NKAIN2: variants seen among roughly 807,000 people sequenced by gnomAD.
NKAIN2 encodes the protein sodium/potassium transporting ATPase interacting 2, also known as sodium/potassium-transporting ATPase subunit beta-1-interacting protein 2.
NKAIN2 carries 14 observed loss-of-function variants against 32.6 expected under a neutral mutation model. The ratio of observed to expected loss-of-function variants is 0.43; its 90% CI spans 0.28 to 0.67. The LOEUF is 0.67. Ranked by LOEUF, NKAIN2 falls within the 30% of genes least tolerant of loss-of-function variation. NKAIN2 has a pLI of 0.17. For missense variants in NKAIN2, 198 were observed against 258.3 expected (o/e 0.77, Z 1.60); for synonymous variants, 80 against 87.2 (o/e 0.92, Z 0.46).
chr6:124,539,900 T>C (rs1399868011), intron 3 of NKAIN2, among the ~76,000 whole-genome samples: 1 of 152,088 alleles, frequency 6.6e-6, no homozygotes, highest in African/African-American at 2.4e-5. Context: ...TTTTGTATTT[T>C]AGTAGAGATG....
intron 1 of NKAIN2, among the ~76,000 whole-genome samples, chr6:123,945,554 C>G (rs1230380387): frequency 6.6e-6 from 1 of 152,078 alleles, no homozygotes; most frequent in Non-Finnish European, 1.5e-5. Flanking sequence ...TCTGTGGTCC[C>G]AGCAGGTGTT....
intron 3 of NKAIN2, among the ~76,000 whole-genome samples, chr6:124,636,034 T>C (rs1316436863): frequency 2.0e-5 from 3 of 152,014 alleles, no homozygotes; most frequent in African/African-American, 4.8e-5. Flanking sequence ...ATAGAGCATA[T>C]GTTGGGCCAC....
At chr6:124,208,006 T>C (rs1220134325) in intron 1 of NKAIN2, among the ~76,000 whole-genome samples, 1 of 151,932 alleles carries the variant, frequency 6.6e-6, no homozygotes, top group South Asian at 2.1e-4. Flanking sequence ...TTTTGAAGAA[T>C]GTACTTTAAT....
At position 124,767,254 on chromosome 6, in the gene NKAIN2, A is replaced by C. The variant is rs528490175; in HGVS notation, c.475-24085A>C. On this transcript the variant is annotated intron_variant, in intron 4 of 6. Coordinates refer to ENST00000368417, the MANE Select transcript of NKAIN2 (RefSeq NM_001040214.3). ...TATGCTTAAGTAATTTCTGATTTAT[A>C]CTAGATACTATAAATAATATTTTGT... Among the ~76,000 whole-genome samples, 224 of 151,964 alleles carry C rather than the reference A, an allele frequency of 1.5e-3. 2 individuals carry two copies. Among genetic ancestry groups the C allele is most frequent in the African/African-American group, 5.2e-3 (215 of 41,422 alleles).
chr6:124,076,997 AT>A (rs1180829630), intron 1 of NKAIN2, among the ~76,000 whole-genome samples: 1 of 147,208 alleles, frequency 6.8e-6, no homozygotes, highest in Non-Finnish European at 1.5e-5. Flanking sequence ...CTTTATAACT[AT>A]TTTTTAGATG....
At chr6:124,550,312 T>A (rs1248596801) in intron 3 of NKAIN2, among the ~76,000 whole-genome samples, 1 of 152,214 alleles carries the variant, frequency 6.6e-6, no homozygotes, top group African/African-American at 2.4e-5. Flanking sequence ...TTGGGAGCTC[T>A]TTCAGGTTTC....
At chr6:123,999,120 A>G (rs1779770960) in intron 1 of NKAIN2, among the ~76,000 whole-genome samples, 2 of 152,112 alleles carry the variant, frequency 1.3e-5, no homozygotes, top group African/African-American at 2.4e-5. Flanking sequence ...GGGAACTTAC[A>G]GAGGGTTGGT....
chr6:124,358,474 G>T (rs1263139684), intron 3 of NKAIN2, among the ~76,000 whole-genome samples: 2 of 152,162 alleles, frequency 1.3e-5, no homozygotes, highest in South Asian at 4.2e-4. Flanking sequence ...CATTCTAACT[G>T]GTGTGAGATG....
chr6:124,134,829 A>G (rs71574846), intron 1 of NKAIN2, among the ~76,000 whole-genome samples: 1 of 152,218 alleles, frequency 6.6e-6, no homozygotes, highest in Non-Finnish European at 1.5e-5. Flanking sequence ...ATTATCACCT[A>G]GGCATATAGA....
At chr6:124,701,070 A>G (rs1197658337) in intron 4 of NKAIN2, among the ~76,000 whole-genome samples, 1 of 151,090 alleles carries the variant, frequency 6.6e-6, no homozygotes, top group Non-Finnish European at 1.5e-5. Flanking sequence ...TATTTTATTT[A>G]TTCATACACT....
At chr6:124,645,225 G>A (rs1393170662) in intron 3 of NKAIN2, among the ~76,000 whole-genome samples, 1 of 152,074 alleles carries the variant, frequency 6.6e-6, no homozygotes, top group African/African-American at 2.4e-5. Context: ...TACAAATTTG[G>A]CAGGTAACAT....
chr6:124,606,473 T>G (rs1782502808), intron 3 of NKAIN2, among the ~76,000 whole-genome samples: 1 of 152,028 alleles, frequency 6.6e-6, no homozygotes. Context: ...TAAAATACAA[T>G]TGGTAAAGGA....
intron 1 of NKAIN2, among the ~76,000 whole-genome samples, chr6:124,083,816 G>C (rs1469625276): frequency 2.6e-5 from 4 of 151,916 alleles, no homozygotes; most frequent in Admixed American, 2.6e-4. Context: ...ATTTTCATTT[G>C]TGTACTGGCC....
At chr6:124,235,365 T>G (rs546450398) in intron 1 of NKAIN2, among the ~76,000 whole-genome samples, 1 of 152,260 alleles carries the variant, frequency 6.6e-6, no homozygotes, top group East Asian at 1.9e-4. Flanking sequence ...TACATCCTAT[T>G]TATTGAATTG....
chr6:124,420,540 G>A (rs1774700180), intron 3 of NKAIN2, among the ~76,000 whole-genome samples: 1 of 152,036 alleles, frequency 6.6e-6, no homozygotes, highest in South Asian at 2.1e-4. Context: ...CAAAAAATAG[G>A]CTTCTCAGTG....
intron 1 of NKAIN2, among the ~76,000 whole-genome samples, chr6:123,924,710 A>T (rs1392851203): frequency 2.6e-5 from 4 of 152,062 alleles, no homozygotes; most frequent in Non-Finnish European, 5.9e-5. Context: ...GGACTCAATG[A>T]TATCTAAAAA....
intron 3 of NKAIN2, among the ~76,000 whole-genome samples, chr6:124,473,044 G>A (rs1777040210): frequency 6.6e-6 from 1 of 152,118 alleles, no homozygotes; most frequent in South Asian, 2.1e-4. Flanking sequence ...CAGAAGGATA[G>A]AAGCTTTCTG....
rs148293115 is a variant in NKAIN2, at chr6:124,317,603, A to G, written c.192+34461A>G. Among the ~76,000 whole-genome samples, 1,188 of 152,176 alleles carry G rather than the reference A, an allele frequency of 7.8e-3. 7 individuals are homozygous for G. The highest frequency in any genetic ancestry group is 0.012 in the Non-Finnish European group (789 of 67,976). Reference sequence around the variant, plus strand: ...TACTAGGGTGATTGAGTTAGGTTACAATAAAAATCATTCTTCATTAACTTA... The same window carrying G: ...TACTAGGGTGATTGAGTTAGGTTACGATAAAAATCATTCTTCATTAACTTA... On this transcript the variant is annotated intron_variant, in intron 2 of 6. Transcript: ENST00000368417.
At position 123,839,507 on chromosome 6, in the gene NKAIN2, G is replaced by A. The variant is rs540092391; in HGVS notation, c.54+35253G>A. The stretch of plus-strand genomic sequence containing the variant: ...CTAAACAACACAAAATAAGCATTTC[G>A]TTTTGTTTTGTTTCATTAAAAAAAA... On this transcript the variant is annotated intron_variant, in intron 1 of 6. Coordinates refer to ENST00000368417, the MANE Select transcript of NKAIN2 (RefSeq NM_001040214.3). 5.9e-5 allele frequency among the ~76,000 whole-genome samples: 9 copies of A among 151,860 alleles called. No homozygotes were observed. The South Asian group carries it at 1.5e-3, about 25-fold the overall frequency.
Sources: allele counts gnomAD v4.1 joint callset (sites outside exome capture counted in the v4.1 genomes callset), GRCh38; gene constraint gnomAD v4.1.1; transcripts MANE v1.5; gene names NCBI Gene and HGNC (gene_info 2026-07-23, HGNC 2026-07-21).